GALNT1: variants seen among roughly 807,000 people sequenced by gnomAD.
GALNT1 encodes the protein polypeptide N-acetylgalactosaminyltransferase 1.
A neutral mutation model predicts 65.7 loss-of-function variants in GALNT1; 17 were observed. The ratio of observed to expected loss-of-function variants is 0.26; its 90% CI spans 0.18 to 0.39. GALNT1 has a LOEUF of 0.39. Ranked by LOEUF, GALNT1 falls within the 10% of genes least tolerant of loss-of-function variation. The pLI is 1.00. For missense variants in GALNT1, 460 were observed against 672.8 expected, an observed-to-expected ratio of 0.68 and a Z score of 3.50; for synonymous variants, 210 against 219.7, an observed-to-expected ratio of 0.96 and a Z score of 0.39.
chr18:35,674,766 G>A (rs920364364), intron 3 of GALNT1, among the ~76,000 whole-genome samples: 4 of 152,022 alleles, frequency 2.6e-5, no homozygotes, highest in Admixed American at 6.5e-5. Context: ...GGCAGATCAC[G>A]AGGTCAGAAG....
At position 35,647,355 on chromosome 18, in the gene GALNT1, T is replaced by C. The variant is rs190667628; in HGVS notation, c.-103-7205T>C. ...CTCTGAACTTCATAAAGTCAGGGAGTGTGTGCATTTTGTTCACCCTTGTAT... is the reference window on the plus strand; with the variant it reads ...CTCTGAACTTCATAAAGTCAGGGAGCGTGTGCATTTTGTTCACCCTTGTAT... On this transcript the variant is annotated intron_variant, in intron 1 of 11. Transcript: ENST00000269195. 4.8e-4 allele frequency among the ~76,000 whole-genome samples: 73 copies of C among 152,266 alleles called. 1 individual carries two copies. Among genetic ancestry groups the C allele is most frequent in the African/African-American group, 1.6e-3 (68 of 41,536 alleles).
chr18:35,613,876 GA>G (rs373501510), intron 1 of GALNT1, among the ~76,000 whole-genome samples: 2 of 149,570 alleles, frequency 1.3e-5, no homozygotes, highest in African/African-American at 4.9e-5. Flanking sequence ...AATGGTGGGG[GA>G]AAAAAAAACA....
chr18:35,645,248 G>GTTTT (rs1568022842), intron 1 of GALNT1, among the ~76,000 whole-genome samples: 13 of 108,460 alleles, frequency 1.2e-4, no homozygotes, highest in African/African-American at 2.5e-4. Context: ...TTTTTTTCTG[G>GTTTT]GAGATGGAGT....
Position 35,701,039 on chromosome 18 carries a change from G to GAGAT in GALNT1, c.1300-1856_1300-1853dup, listed in dbSNP as rs1163015291. ...AAATAATTATTTTTTGTGAATATAT[G>GAGAT]AGATAAATACTCATCTTTATCACAA... On this transcript the variant is annotated intron_variant, in intron 9 of 11. Transcript: ENST00000269195. Among the ~76,000 whole-genome samples, 4 of 152,024 alleles carry GAGAT rather than the reference G, an allele frequency of 2.6e-5. No individual in the cohort carries two copies. In the East Asian group the frequency reaches 5.8e-4, roughly 22 times the overall value.
intron 1 of GALNT1, chr18:35,627,428 CAGG>C (rs2046932938): frequency 6.6e-6 from 1 of 152,112 alleles, no homozygotes; most frequent in Non-Finnish European, 1.5e-5. Context: ...CATTTTTCAA[CAGG>C]AGATGTGGGA....
At chr18:35,610,470 C>A (rs183379284) in intron 1 of GALNT1, among the ~76,000 whole-genome samples, 8 of 152,272 alleles carry the variant, frequency 5.3e-5, no homozygotes, top group Admixed American at 1.3e-4. Context: ...AGAGCAGGGA[C>A]CTTGTCTGTC....
intron 2 of GALNT1, among the ~76,000 whole-genome samples, chr18:35,657,500 G>T (rs2047409147): frequency 6.6e-6 from 1 of 152,152 alleles, no homozygotes; most frequent in African/African-American, 2.4e-5. Context: ...TGTACCTGAG[G>T]CTGTGCATGG....
intron 5 of GALNT1, among the ~76,000 whole-genome samples, 158 bp downstream of exon 5, chr18:35,683,756 A>C (rs2047821294): frequency 1.3e-5 from 2 of 152,256 alleles, no homozygotes; most frequent in Non-Finnish European, 2.9e-5. Flanking sequence ...AAATATCCAG[A>C]AGACCACATT....
intron 1 of GALNT1, among the ~76,000 whole-genome samples, chr18:35,606,635 G>C (rs1378067553): frequency 6.6e-6 from 1 of 152,174 alleles, no homozygotes; most frequent in African/African-American, 2.4e-5. Context: ...CAGCATATCA[G>C]AGAAGGGGCA....
At chr18:35,663,509 G>A in intron 2 of GALNT1, 119 bp from the exon 3 acceptor site, 1 of 984,612 alleles carries the variant, frequency 1.0e-6, no homozygotes, top group Non-Finnish European at 1.5e-6. Context: ...GGAGAGGGTG[G>A]GCTCAGAAAG....
intron 2 of GALNT1, among the ~76,000 whole-genome samples, chr18:35,655,900 C>T (rs1017618971): frequency 6.6e-6 from 1 of 152,162 alleles, no homozygotes; most frequent in African/African-American, 2.4e-5. Context: ...AATGCCTAGG[C>T]TAATTCCTAA....
Position 35,583,695 on chromosome 18 carries a change from A to G in GALNT1, c.-104+1833A>G, listed in dbSNP as rs74463416. On this transcript the variant is annotated intron_variant, in intron 1 of 11. Transcript: ENST00000269195. The stretch of plus-strand genomic sequence containing the variant: ...GAGTGACAGCGCGAGACCCTGTCTC[A>G]AAAAACTGAAAACCCAACAACAACA... Among the ~76,000 whole-genome samples, 435 of 152,294 alleles carry G rather than the reference A, an allele frequency of 2.9e-3. 1 individual carries two copies. The highest frequency in any genetic ancestry group is 9.7e-3 in the African/African-American group (403 of 41,550).
intron 1 of GALNT1, among the ~76,000 whole-genome samples, chr18:35,617,800 T>A (rs1313361596): frequency 6.6e-6 from 1 of 152,188 alleles, no homozygotes; most frequent in Non-Finnish European, 1.5e-5. Context: ...TAAAGTGTCT[T>A]TTTAAGTTGA....
chr18:35,658,517 C>T (rs1192526206), intron 2 of GALNT1, among the ~76,000 whole-genome samples: 1 of 152,044 alleles, frequency 6.6e-6, no homozygotes, highest in Non-Finnish European at 1.5e-5. Flanking sequence ...AGTTTCAGTG[C>T]AGTAGGTGCT....
chr18:35,591,165 A>G (rs1195516126), intron 1 of GALNT1, among the ~76,000 whole-genome samples: 1 of 152,180 alleles, frequency 6.6e-6, no homozygotes, highest in Non-Finnish European at 1.5e-5. Context: ...CCTCTGGGGC[A>G]TTTCATTGCA....
At chr18:35,670,029 C>T (rs2047609585) in intron 3 of GALNT1, among the ~76,000 whole-genome samples, 1 of 152,180 alleles carries the variant, frequency 6.6e-6, no homozygotes, top group South Asian at 2.1e-4. Flanking sequence ...GTGACTCACA[C>T]CTGTAACCCT....
chr18:35,603,386 T>TA (rs1159780484), intron 1 of GALNT1, among the ~76,000 whole-genome samples: 1 of 152,168 alleles, frequency 6.6e-6, no homozygotes, highest in Non-Finnish European at 1.5e-5. Flanking sequence ...CTGGAGATCT[T>TA]ACTAGCCTCA....
chr18:35,603,922 AT>A (rs200167139), intron 1 of GALNT1, among the ~76,000 whole-genome samples: 8 of 151,872 alleles, frequency 5.3e-5, no homozygotes, highest in Non-Finnish European at 1.2e-4. Flanking sequence ...GTTTTTCTTT[AT>A]TTTTTTCTTT....
chr18:35,590,110 A>G (rs1467057390), intron 1 of GALNT1, among the ~76,000 whole-genome samples: 1 of 152,066 alleles, frequency 6.6e-6, no homozygotes, highest in Non-Finnish European at 1.5e-5. Flanking sequence ...TTTTCCATGG[A>G]TTTTTGTAGG....
Sources: allele counts gnomAD v4.1 joint callset (sites outside exome capture counted in the v4.1 genomes callset), GRCh38; gene constraint gnomAD v4.1.1; transcripts MANE v1.5; gene names NCBI Gene and HGNC (gene_info 2026-07-23, HGNC 2026-07-21).